GPC6: variants seen among roughly 807,000 people sequenced by gnomAD.
GPC6 encodes glypican 6, also known as glypican-6.
In GPC6, 14 loss-of-function variants were observed where a neutral mutation model predicts 55.2. That is an observed-to-expected ratio of 0.25 (90% CI 0.17 to 0.40). GPC6 has a LOEUF of 0.40. Among genes scored for constraint, GPC6 ranks in the 10% least tolerant of loss-of-function variants. The probability of loss-of-function intolerance (pLI) is 1.00; values close to 1 mark genes in which losing one functional copy is unlikely to be tolerated. For synonymous variants in GPC6, 278 were observed against 259.6 expected (o/e 1.07, Z -0.68); for missense variants, 641 against 708.5 (o/e 0.90, Z 1.08).
rs570740277 is a variant in GPC6 at position 93,623,805 on chromosome 13, C to A, written c.319+78384C>A. On this transcript the variant is annotated intron_variant, in intron 2 of 8. Coordinates refer to ENST00000377047, the MANE Select transcript of GPC6 (RefSeq NM_005708.5). The stretch of plus-strand genomic sequence containing the variant: ...CATTTTAACTCAGAATAGATGATAT[C>A]TTCTTGTAGTTTTGATTTGCATTCT... Among the ~76,000 whole-genome samples the A allele has an allele frequency of 2.6e-5, 4 of 152,076 alleles. No individual in the cohort carries two copies. In the South Asian group the frequency reaches 8.3e-4, roughly 32 times the overall value.
At chr13:93,837,021 T>C (rs1887760973) in intron 3 of GPC6, among the ~76,000 whole-genome samples, 1 of 152,180 alleles carries the variant, frequency 6.6e-6, no homozygotes, top group Non-Finnish European at 1.5e-5. Flanking sequence ...CAATTTAAGT[T>C]TTTCTCATTA....
At chr13:93,889,635 A>G (rs935689711) in intron 3 of GPC6, among the ~76,000 whole-genome samples, 13 of 152,138 alleles carry the variant, frequency 8.5e-5, no homozygotes, top group African/African-American at 3.1e-4. Context: ...TGAATTTGTC[A>G]AAGAGAATAA....
At chr13:93,845,684 G>A (rs1360099329) in intron 3 of GPC6, among the ~76,000 whole-genome samples, 1 of 147,056 alleles carries the variant, frequency 6.8e-6, no homozygotes, top group African/African-American at 2.5e-5. Context: ...TCCTTTGTAG[G>A]GACATGGATG....
intron 6 of GPC6, among the ~76,000 whole-genome samples, chr13:94,374,472 A>C (rs879606719): frequency 0.037 from 5,376 of 145,838 alleles, 147 homozygotes; most frequent in African/African-American, 0.075. Context: ...CAAGGCCATT[A>C]CATAATGGTA....
At chr13:93,877,354 T>A (rs1383066628) in intron 3 of GPC6, among the ~76,000 whole-genome samples, 1 of 152,050 alleles carries the variant, frequency 6.6e-6, no homozygotes, top group African/African-American at 2.4e-5. Flanking sequence ...TCCATGGGTA[T>A]GTTGGGAGGC....
At chr13:93,583,503 C>T (rs1250153045) in intron 2 of GPC6, among the ~76,000 whole-genome samples, 1 of 152,142 alleles carries the variant, frequency 6.6e-6, no homozygotes. Context: ...ACCGCAACCT[C>T]CGCCTCCCAG....
At chr13:93,939,335 C>A (rs920810103) in intron 3 of GPC6, among the ~76,000 whole-genome samples, 4 of 150,626 alleles carry the variant, frequency 2.7e-5, no homozygotes, top group South Asian at 2.1e-4. Context: ...TAAAACTAGA[C>A]GTAAACCTAG....
chr13:94,180,790 A>G (rs1267792990), intron 4 of GPC6, among the ~76,000 whole-genome samples: 1 of 152,202 alleles, frequency 6.6e-6, no homozygotes, highest in African/African-American at 2.4e-5. Context: ...ATTAAGGTGG[A>G]ATAGATATCC....
At chr13:93,676,168 T>TACACACAC (rs757719039) in intron 2 of GPC6, among the ~76,000 whole-genome samples, 2 of 39,452 alleles carry the variant, frequency 5.1e-5, no homozygotes, top group African/African-American at 1.7e-4. Context: ...TATATATATA[T>TACACACAC]ACATACACAC....
At chr13:93,815,669 C>T (rs973438324) in intron 2 of GPC6, among the ~76,000 whole-genome samples, 1 of 152,086 alleles carries the variant, frequency 6.6e-6, no homozygotes, top group African/African-American at 2.4e-5. Flanking sequence ...TAAATTTAAT[C>T]AATGTTAAGC....
Position 93,380,254 on chromosome 13 carries a change from A to G in GPC6, c.160+152638A>G, listed in dbSNP as rs1029221616. Among the ~76,000 whole-genome samples the G allele has an allele frequency of 6.8e-4, 104 of 152,182 alleles. 3 individuals are homozygous for G. The highest frequency in any genetic ancestry group is 3.3e-4 in the Admixed American group (5 of 15,276). Reference sequence around the variant, plus strand: ...TAGGAAAATCCATTGCAGGAGACCAATAAAGACAGAATTTGATGGGTACCT... The same window carrying G: ...TAGGAAAATCCATTGCAGGAGACCAGTAAAGACAGAATTTGATGGGTACCT... On this transcript the variant is annotated intron_variant, in intron 1 of 8. Coordinates refer to ENST00000377047, the MANE Select transcript of GPC6 (RefSeq NM_005708.5).
intron 2 of GPC6, among the ~76,000 whole-genome samples, chr13:93,592,010 A>T (rs1488940854): frequency 2.6e-5 from 4 of 152,098 alleles, no homozygotes; most frequent in Non-Finnish European, 5.9e-5. Flanking sequence ...AAATATAAGG[A>T]AGCAGTATAT....
At chr13:93,513,285 C>T (rs761479270) in intron 1 of GPC6, among the ~76,000 whole-genome samples, 4 of 152,158 alleles carry the variant, frequency 2.6e-5, no homozygotes, top group African/African-American at 4.8e-5. Flanking sequence ...ACCTCAGTCC[C>T]CGGATGCCCC....
At chr13:93,679,817 G>A (rs906241568) in intron 2 of GPC6, among the ~76,000 whole-genome samples, 3 of 125,518 alleles carry the variant, frequency 2.4e-5, no homozygotes, top group Non-Finnish European at 5.4e-5. Context: ...TATTGTGCTA[G>A]GTGTTATGAG....
At chr13:94,010,101 A>G (rs550660056) in intron 3 of GPC6, among the ~76,000 whole-genome samples, 7 of 152,302 alleles carry the variant, frequency 4.6e-5, no homozygotes, top group African/African-American at 1.4e-4. Context: ...CAAATAATCG[A>G]TGCTTATTAT....
At chr13:93,523,603 T>G (rs1017811264) in intron 1 of GPC6, among the ~76,000 whole-genome samples, 10 of 151,956 alleles carry the variant, frequency 6.6e-5, no homozygotes, top group African/African-American at 9.7e-5. Context: ...CACAGTGCTG[T>G]GATTATGGGT....
chr13:94,139,260 C>T (rs1010274498), intron 4 of GPC6, among the ~76,000 whole-genome samples: 1 of 152,038 alleles, frequency 6.6e-6, no homozygotes, highest in Non-Finnish European at 1.5e-5. Flanking sequence ...CCCTAAAAGC[C>T]CTTACATACA....
chr13:93,300,704 C>T (rs942240019), intron 1 of GPC6, among the ~76,000 whole-genome samples: 1 of 148,974 alleles, frequency 6.7e-6, no homozygotes, highest in African/African-American at 2.5e-5. Context: ...ATAGAGGTAT[C>T]AGTTCTTTCC....
chr13:94,233,825 A>G (rs1890798937), intron 4 of GPC6, among the ~76,000 whole-genome samples: 1 of 152,130 alleles, frequency 6.6e-6, no homozygotes, highest in African/African-American at 2.4e-5. Context: ...CCTAATGTAC[A>G]TATTATACTT....
Sources: allele counts gnomAD v4.1 joint callset (sites outside exome capture counted in the v4.1 genomes callset), GRCh38; gene constraint gnomAD v4.1.1; transcripts MANE v1.5; gene names NCBI Gene and HGNC (gene_info 2026-07-23, HGNC 2026-07-21).